CDH4: variants seen among roughly 807,000 people sequenced by gnomAD.
CDH4 encodes the protein cadherin-4.
A neutral mutation model predicts 86.0 loss-of-function variants in CDH4; 33 were observed. The ratio of observed to expected loss-of-function variants is 0.38; its 90% CI spans 0.29 to 0.51. The LOEUF is 0.51. Among genes scored for constraint, CDH4 ranks in the 20% least tolerant of loss-of-function variants. The pLI is 0.86. For synonymous variants in CDH4, 555 were observed against 549.4 expected, an observed-to-expected ratio of 1.01 and a Z score of -0.14; for missense variants, 1,114 against 1,307.4, an observed-to-expected ratio of 0.85 and a Z score of 2.28.
intron 3 of CDH4, among the ~76,000 whole-genome samples, chr20:61,760,232 G>A (rs927290744): frequency 3.3e-5 from 5 of 152,226 alleles, no homozygotes; most frequent in Non-Finnish European, 7.3e-5. Context: ...CGTGGTTTGT[G>A]AGGCTAATTA....
chr20:61,556,752 C>G (rs1249088051), intron 2 of CDH4, among the ~76,000 whole-genome samples: 2 of 152,178 alleles, frequency 1.3e-5, no homozygotes, highest in Non-Finnish European at 2.9e-5. Flanking sequence ...TGCCCCCCAC[C>G]TTGGTGCTCT....
chr20:61,442,315 C>T (rs1480454863), intron 2 of CDH4, among the ~76,000 whole-genome samples: 2 of 152,214 alleles, frequency 1.3e-5, no homozygotes, highest in African/African-American at 2.4e-5. Flanking sequence ...GCCTCCCTGA[C>T]GTGCAGACCC....
intron 7 of CDH4, among the ~76,000 whole-genome samples, chr20:61,882,926 C>G (rs867364175): frequency 6.6e-6 from 1 of 152,084 alleles, no homozygotes; most frequent in Non-Finnish European, 1.5e-5. Flanking sequence ...ACGGAAGCCA[C>G]TCAGACCACG....
rs908595188 is a variant in CDH4, at chr20:61,515,927, C to G, written c.170-227636C>G. On this transcript the variant is annotated intron_variant, in intron 2 of 15. Coordinates refer to ENST00000614565, the MANE Select transcript of CDH4 (RefSeq NM_001794.5). Reference sequence around the variant, plus strand: ...CCAGTTCCCCTGGAGTCTATCCCCCCCATCCCGCAGTCTATCCTGCCATCC... The same window carrying G: ...CCAGTTCCCCTGGAGTCTATCCCCCGCATCCCGCAGTCTATCCTGCCATCC... Among the ~76,000 whole-genome samples the G allele has an allele frequency of 9.9e-5, 15 of 152,256 alleles. No homozygotes were observed. In the South Asian group the frequency reaches 2.7e-3, roughly 27 times the overall value.
In CDH4 at chr20:61,332,933, C is replaced by T. The variant is rs1249383236; in HGVS notation, c.169+77996C>T. ...GCGGAGGCTGACGCGCCCTTGCCCT[C>T]ACAGGCCCCGAGAGCCTCTTACAGC... On this transcript the variant is annotated intron_variant, in intron 2 of 15. Coordinates refer to ENST00000614565, the MANE Select transcript of CDH4 (RefSeq NM_001794.5). 2.6e-5 allele frequency among the ~76,000 whole-genome samples: 4 copies of T among 152,356 alleles called. No individual in the cohort carries two copies. In the East Asian group the frequency reaches 5.8e-4, roughly 22 times the overall value.
chr20:61,828,874 A>G (rs1367456196), intron 4 of CDH4, among the ~76,000 whole-genome samples: 2 of 152,226 alleles, frequency 1.3e-5, no homozygotes, highest in Non-Finnish European at 2.9e-5. Flanking sequence ...CAATTTTCCC[A>G]TGGACCCAGG....
At chr20:61,344,721 C>G (rs980401675) in intron 2 of CDH4, among the ~76,000 whole-genome samples, 2 of 152,264 alleles carry the variant, frequency 1.3e-5, no homozygotes, top group South Asian at 4.2e-4. Context: ...ATCCTTGTTT[C>G]CCAGTGTCTT....
chr20:61,573,415 C>T (rs867248839), intron 2 of CDH4, among the ~76,000 whole-genome samples: 20 of 152,236 alleles, frequency 1.3e-4, no homozygotes, highest in African/African-American at 3.4e-4. Flanking sequence ...GAAATGTCAC[C>T]TGCTTTGGCA....
chr20:61,788,473 G>GGCTCCCA (rs1175182465), intron 4 of CDH4, among the ~76,000 whole-genome samples: 1 of 152,158 alleles, frequency 6.6e-6, no homozygotes, highest in East Asian at 1.9e-4. Context: ...CCAGGATCCT[G>GGCTCCCA]GCTCCCAGCT....
At chr20:61,872,528 G>A (rs548837766) in intron 6 of CDH4, among the ~76,000 whole-genome samples, 1 of 152,312 alleles carries the variant, frequency 6.6e-6, no homozygotes, top group African/African-American at 2.4e-5. Flanking sequence ...CATGACCCCA[G>A]CCCCGTCAGC....
intron 2 of CDH4, among the ~76,000 whole-genome samples, chr20:61,502,990 A>G (rs947968271): frequency 6.6e-6 from 1 of 152,222 alleles, no homozygotes; most frequent in African/African-American, 2.4e-5. Flanking sequence ...GATTATGCCT[A>G]AATGAATATT....
Position 61,393,344 on chromosome 20 carries a change from G to A in CDH4, c.169+138407G>A, listed in dbSNP as rs922624423. Among the ~76,000 whole-genome samples the A allele has an allele frequency of 6.6e-6, 1 of 151,828 alleles. No homozygotes were observed. Among genetic ancestry groups the A allele is most frequent in the Non-Finnish European group, 1.5e-5 (1 of 67,852 alleles). On this transcript the variant is annotated intron_variant, in intron 2 of 15. Coordinates refer to ENST00000614565, the MANE Select transcript of CDH4 (RefSeq NM_001794.5). The surrounding 1 kb of genome is among the most constrained non-coding windows in gnomAD (Gnocchi z 4.3). ...CCAGTGGTGTGGGGGACAGCAGCCG[G>A]GGGGGGCCGGGGTCTTCCTTACCTC...
At chr20:61,934,677 G>A (rs903929057) in intron 15 of CDH4, among the ~76,000 whole-genome samples, 2 of 152,178 alleles carry the variant, frequency 1.3e-5, no homozygotes, top group Non-Finnish European at 2.9e-5. Context: ...TGCTCAGAGA[G>A]GCAGAGGCCC....
chr20:61,384,811 G>T (rs1376982110), intron 2 of CDH4, among the ~76,000 whole-genome samples: 2 of 151,824 alleles, frequency 1.3e-5, no homozygotes, highest in African/African-American at 4.8e-5. Flanking sequence ...TTATTTTCTA[G>T]GTCATTAAAC....
intron 2 of CDH4, among the ~76,000 whole-genome samples, chr20:61,627,697 G>A (rs5026726): frequency 0.61 from 91,809 of 151,412 alleles, 28,009 homozygotes; most frequent in East Asian, 0.71. Context: ...AGTGCCTCCC[G>A]CCCCCCGACT....
chr20:61,913,709 A>C (rs2054875714), intron 9 of CDH4, among the ~76,000 whole-genome samples: 1 of 152,172 alleles, frequency 6.6e-6, no homozygotes, highest in East Asian at 1.9e-4. Context: ...GGCCGCTGGG[A>C]GAGTAACTCC....
intron 2 of CDH4, among the ~76,000 whole-genome samples, chr20:61,259,985 T>C (rs1055327521): frequency 1.3e-5 from 2 of 152,110 alleles, no homozygotes; most frequent in African/African-American, 4.8e-5. Context: ...GGAACACAAA[T>C]TGGGTCCCAG....
chr20:61,607,702 T>A (rs746022452), intron 2 of CDH4, among the ~76,000 whole-genome samples: 8 of 152,190 alleles, frequency 5.3e-5, no homozygotes, highest in Non-Finnish European at 1.5e-5. Flanking sequence ...GCCAGTGTTG[T>A]CTTTACCTGG....
rs1317719748 is a variant in CDH4 at position 61,919,706 on chromosome 20, AATTGCGTGGAAGCGCTGTGTCATGATG to A, written c.1375-3731_1375-3705del. Among the ~76,000 whole-genome samples, 270 of 151,858 alleles carry A rather than the reference AATTGCGTGGAAGCGCTGTGTCATGATG, an allele frequency of 1.8e-3. 1 individual carries two copies. The highest frequency in any genetic ancestry group is 6.4e-3 in the African/African-American group (263 of 41,376). On this transcript the variant is annotated intron_variant, in intron 9 of 15. Transcript: ENST00000614565. ...TCCTAGAAGTAGGAGGAACCTGCAT[AATTGCGTGGAAGCGCTGTGTCATGATG>A]ATTGCGTGGAAGCATGTCATGGTTG...
Sources: allele counts gnomAD v4.1 joint callset (sites outside exome capture counted in the v4.1 genomes callset), GRCh38; gene constraint gnomAD v4.1.1; non-coding constraint Gnocchi (gnomAD v3.1); transcripts MANE v1.5; gene names NCBI Gene and HGNC (gene_info 2026-07-23, HGNC 2026-07-21).